TENM4: variants seen among roughly 807,000 people sequenced by gnomAD.
TENM4 encodes teneurin-4.
In TENM4, 82 loss-of-function variants were observed where a neutral mutation model predicts 243.3. That is an observed-to-expected ratio of 0.34 (90% CI 0.28 to 0.40). The LOEUF (loss-of-function observed/expected upper bound fraction) is 0.40. Ranked by LOEUF, TENM4 falls within the 10% of genes least tolerant of loss-of-function variation. TENM4 has a pLI of 1.00. For synonymous variants in TENM4, 1,412 were observed against 1,456.3 expected (o/e 0.97, Z 0.69); for missense variants, 3,138 against 3,673.3 (o/e 0.85, Z 3.77).
chr11:78,743,514 C>A (rs931324088), intron 19 of TENM4, among the ~76,000 whole-genome samples: 3 of 152,052 alleles, frequency 2.0e-5, no homozygotes, highest in African/African-American at 7.2e-5. Context: ...AAGGTGAGGG[C>A]GATGTTAGAG....
intron 2 of TENM4, among the ~76,000 whole-genome samples, chr11:79,251,873 A>G (rs1377807442): frequency 6.6e-6 from 1 of 152,158 alleles, no homozygotes; most frequent in Admixed American, 6.5e-5. Context: ...CAGATTAAGT[A>G]CAGCTAAAGA....
At chr11:79,277,030 A>G (rs992209443) in intron 2 of TENM4, among the ~76,000 whole-genome samples, 3 of 152,020 alleles carry the variant, frequency 2.0e-5, no homozygotes, top group Non-Finnish European at 4.4e-5. Flanking sequence ...CACTGACAGC[A>G]TTATTCTGTT....
chr11:79,416,737 T>C (rs1432479799), intron 1 of TENM4, among the ~76,000 whole-genome samples: 1 of 152,168 alleles, frequency 6.6e-6, no homozygotes, highest in Non-Finnish European at 1.5e-5. Flanking sequence ...ACAAATTAAT[T>C]GGTGGCAGGC....
In TENM4 at chr11:78,719,130, C is replaced by T. The variant is rs186985315; in HGVS notation, c.3821+1240G>A. ...AAAGTACTGAATAGTTTACAAATAT[C>T]TTCTGTGATCATTACAACAAGACTC... On this transcript the variant is annotated intron_variant, in intron 25 of 33. Transcript: ENST00000278550. Among the ~76,000 whole-genome samples the T allele has an allele frequency of 9.6e-4, 146 of 152,222 alleles. 1 individual carries two copies. The highest frequency in any genetic ancestry group is 3.5e-3 in the African/African-American group (144 of 41,558).
intron 2 of TENM4, among the ~76,000 whole-genome samples, chr11:79,253,926 A>G (rs1239502871): frequency 6.6e-6 from 1 of 152,230 alleles, no homozygotes; most frequent in African/African-American, 2.4e-5. Context: ...AAACATATGA[A>G]AAGACACTTG....
At chr11:79,299,288 A>G (rs559243066) in intron 1 of TENM4, among the ~76,000 whole-genome samples, 47 of 152,202 alleles carry the variant, frequency 3.1e-4, no homozygotes, top group Non-Finnish European at 8.8e-5. Flanking sequence ...AATGCCTAAC[A>G]CTTAGTCTAT....
chr11:79,187,764 G>A (rs752295784), intron 3 of TENM4, among the ~76,000 whole-genome samples: 1 of 152,156 alleles, frequency 6.6e-6, no homozygotes, highest in Non-Finnish European at 1.5e-5. Context: ...TATAAGAAGA[G>A]ATTAGGACAC....
intron 6 of TENM4, among the ~76,000 whole-genome samples, chr11:78,934,407 T>C (rs902691279): frequency 4.4e-5 from 2 of 45,466 alleles, no homozygotes; most frequent in Non-Finnish European, 1.1e-4. Flanking sequence ...CAGGGAAACA[T>C]GAATCATGTG....
chr11:78,933,606 A>G (rs527713776), intron 6 of TENM4, among the ~76,000 whole-genome samples: 8 of 152,224 alleles, frequency 5.3e-5, no homozygotes, highest in South Asian at 4.2e-4. Flanking sequence ...CAACATCTAA[A>G]CCTGGAGAAC....
At position 78,983,474 on chromosome 11, in the gene TENM4, G is replaced by A. The variant is rs1343430888; in HGVS notation, c.494-79951C>T. 3.3e-5 allele frequency among the ~76,000 whole-genome samples: 5 copies of A among 152,242 alleles called. No homozygotes were observed. In the South Asian group the frequency reaches 8.3e-4, roughly 25 times the overall value. ...TGCTTTTGTTTGTCATCCATTCGAC[G>A]ACACATTCCTGATGCTCATGGTGTC... On this transcript the variant is annotated intron_variant, in intron 6 of 33. Transcript: ENST00000278550.
At chr11:78,817,840 C>G (rs1454833045) in intron 12 of TENM4, among the ~76,000 whole-genome samples, 1 of 152,080 alleles carries the variant, frequency 6.6e-6, no homozygotes, top group African/African-American at 2.4e-5. Context: ...TACCTGTCTT[C>G]TCATTATTGC....
intron 10 of TENM4, among the ~76,000 whole-genome samples, chr11:78,859,187 C>T (rs79488143): frequency 0.033 from 4,961 of 152,144 alleles, 221 homozygotes; most frequent in African/African-American, 0.11. Context: ...TAAAAAACTT[C>T]CTGGCATCCT....
intron 15 of TENM4, among the ~76,000 whole-genome samples, chr11:78,798,055 T>A (rs1323926860): frequency 6.6e-6 from 1 of 152,218 alleles, no homozygotes; most frequent in East Asian, 1.9e-4. Flanking sequence ...TGAATCTAAT[T>A]TTCTCTCCCA....
At chr11:79,297,612 A>C (rs1005737614) in intron 1 of TENM4, 69 bp from the exon 2 acceptor site, 2 of 152,672 alleles carry the variant, frequency 1.3e-5, no homozygotes, top group African/African-American at 2.4e-5. Flanking sequence ...CATCGGTTTT[A>C]TGCCTGGAAT....
At chr11:79,370,438 C>G (rs888479817) in intron 1 of TENM4, among the ~76,000 whole-genome samples, 1 of 152,216 alleles carries the variant, frequency 6.6e-6, no homozygotes, top group Admixed American at 6.5e-5. Context: ...CACTCATTAA[C>G]TATTCCCTCC....
At chr11:79,291,169 C>T (rs552347446) in intron 2 of TENM4, among the ~76,000 whole-genome samples, 1 of 152,232 alleles carries the variant, frequency 6.6e-6, no homozygotes, top group East Asian at 1.9e-4. Flanking sequence ...GGATTGGTGA[C>T]ATCCAGGTGA....
chr11:78,729,322 A>G (rs964782485), intron 22 of TENM4, 54 bp downstream of exon 22: 1 of 1,508,778 alleles, frequency 6.6e-7, no homozygotes, highest in Non-Finnish European at 8.9e-7. Context: ...AGGGAGGTAG[A>G]AAGAGTCCTC....
At chr11:79,172,313 G>A (rs1205691443) in intron 3 of TENM4, among the ~76,000 whole-genome samples, 1 of 152,164 alleles carries the variant, frequency 6.6e-6, no homozygotes, top group Non-Finnish European at 1.5e-5. Flanking sequence ...TAGGCAAACG[G>A]GGGCATGATC....
intron 3 of TENM4, among the ~76,000 whole-genome samples, chr11:79,199,124 G>A (rs1033202263): frequency 3.3e-5 from 5 of 152,216 alleles, no homozygotes; most frequent in African/African-American, 4.8e-5. Flanking sequence ...ACAAATACTC[G>A]TGGAGAGGTA....
Sources: allele counts gnomAD v4.1 joint callset (sites outside exome capture counted in the v4.1 genomes callset), GRCh38; gene constraint gnomAD v4.1.1; transcripts MANE v1.5; gene names NCBI Gene and HGNC (gene_info 2026-07-23, HGNC 2026-07-21).